CDC14B: variants seen among roughly 807,000 people sequenced by gnomAD.
The protein encoded by CDC14B is cell division cycle 14B.
Under a neutral mutation model 64.2 loss-of-function variants are expected in CDC14B, and 22 were observed. That is an observed-to-expected ratio of 0.34 (90% confidence interval 0.24 to 0.49). The LOEUF is 0.49. CDC14B is among the 20% of genes least tolerant of loss of function. The pLI is 0.99. For missense variants in CDC14B, 498 were observed against 629.9 expected, an observed-to-expected ratio of 0.79 and a Z score of 2.24; for synonymous variants, 191 against 215.8, an observed-to-expected ratio of 0.89 and a Z score of 1.01.
chr9:96,568,438 A>G (rs1844265079), intron 1 of CDC14B, among the ~76,000 whole-genome samples: 3 of 152,358 alleles, frequency 2.0e-5, no homozygotes, highest in African/African-American at 4.8e-5. Flanking sequence ...ACAGAAATGC[A>G]AAGTTCCACT....
chr9:96,571,475 A>G (rs1238253643), intron 1 of CDC14B, among the ~76,000 whole-genome samples: 1 of 152,144 alleles, frequency 6.6e-6, no homozygotes, highest in East Asian at 1.9e-4. Context: ...CGCCTGGGCT[A>G]TAATGAATAA....
downstream of CDC14B, among the ~76,000 whole-genome samples, chr9:96,495,621 A>G (rs564488186): frequency 3.9e-5 from 6 of 152,338 alleles, no homozygotes; most frequent in South Asian, 1.0e-3. Flanking sequence ...GTGAGAGGAT[A>G]GAGCTGGAGC....
chr9:96,523,729 G>T lies in CDC14B; in HGVS notation c.947-4C>A. On this transcript the variant is annotated splice_region_variant and splice_polypyrimidine_tract_variant and intron_variant, in intron 9 of 13. Transcript: ENST00000375241. ...GTGCCCGTGCGACCAAGGCCAGCTA[G>T]GAAAATAAAGAAGCACAGAAATGAA... The T allele has an allele frequency of 6.2e-7, 1 of 1,609,284 alleles. No homozygotes were observed. The highest frequency in any genetic ancestry group is 1.1e-5 in the South Asian group (1 of 90,786).
At chr9:96,592,603 G>A (rs1240426021) in intron 1 of CDC14B, among the ~76,000 whole-genome samples, 2 of 152,006 alleles carry the variant, frequency 1.3e-5, no homozygotes, top group Non-Finnish European at 2.9e-5. Context: ...GTGAAACCCT[G>A]TCTCTACTAA....
At position 96,502,822 on chromosome 9, in the gene CDC14B, A is replaced by G. The variant is rs745385840; in HGVS notation, c.*931T>C. 44 of 398,464 alleles carry G rather than the reference A, an allele frequency of 1.1e-4. No homozygotes were observed. The highest frequency in any genetic ancestry group is 1.7e-4 in the Non-Finnish European group (39 of 225,998). 24.7% of individuals were successfully genotyped at this position (398,464 alleles called of 1,614,324 possible). A position where few individuals can be genotyped will look rare whatever the true frequency, so the allele number is the denominator to read the frequency against. On this transcript the variant is annotated 3_prime_UTR_variant, in exon 14 of 14. Transcript: ENST00000375241. ...TCTCATAAGGGAAAAAAAAAATCCA[A>G]TGTTACAGGGAAGGACTCTAAAAAA...
chr9:96,577,468 C>T (rs1276432876), intron 1 of CDC14B, among the ~76,000 whole-genome samples: 1 of 152,140 alleles, frequency 6.6e-6, no homozygotes, highest in East Asian at 1.9e-4. Context: ...ATGTCTCCCT[C>T]TATCACACCA....
intron 6 of CDC14B, among the ~76,000 whole-genome samples, chr9:96,541,329 A>G (rs1351805098): frequency 6.6e-6 from 1 of 152,268 alleles, no homozygotes; most frequent in Admixed American, 6.5e-5. Context: ...TTAGTTTCAC[A>G]TAAAACTGTA....
intron 5 of CDC14B, among the ~76,000 whole-genome samples, chr9:96,547,651 C>T (rs1042067075): frequency 6.6e-6 from 1 of 151,966 alleles, no homozygotes; most frequent in Non-Finnish European, 1.5e-5. Context: ...AATGGTCTTG[C>T]TATGCTGCAA....
chr9:96,546,892 C>T (rs1238291449), intron 5 of CDC14B, among the ~76,000 whole-genome samples: 3 of 151,812 alleles, frequency 2.0e-5, no homozygotes, highest in Non-Finnish European at 4.4e-5. Flanking sequence ...GAAACCCCGT[C>T]TCTACTAAAA....
In CDC14B at chr9:96,523,287, T is replaced by C. The variant is rs1837029140; in HGVS notation, c.1219A>G (p.Asn407Asp). 3 of 1,614,116 alleles carry C rather than the reference T, an allele frequency of 1.9e-6. No individual in the cohort carries two copies. The highest frequency in any genetic ancestry group is 2.5e-6 in the Non-Finnish European group (3 of 1,180,000). ...GGTTCGGGTTCTTGCTGATCTTGAT[T>C]CTCGACCCCATTTATGGAAATGTCA... ...VDDISINGVE[N>D]QDQQEPEPYS... The change falls in exon 11 of 14, where the codon AAT (asparagine) becomes GAT (aspartate). Residue 407 changes from asparagine (N) to aspartate (D), a missense_variant. Coordinates refer to ENST00000375241, the MANE Select transcript of CDC14B (RefSeq NM_033331.4).
At chr9:96,514,683 G>C in intron 12 of CDC14B, 1 of 985,444 alleles carries the variant, frequency 1.0e-6, no homozygotes, top group Non-Finnish European at 1.2e-6. Context: ...GGAGACAAGA[G>C]AAGAAATTCT....
In CDC14B at chr9:96,562,793, A is replaced by C; in HGVS notation, c.328-8T>G. Reference sequence around the variant, plus strand: ...CCTTAACATTGTAATGGACTGCATAAAAATAAATAACTGTTAGCATTTTCT... The same window carrying C: ...CCTTAACATTGTAATGGACTGCATACAAATAAATAACTGTTAGCATTTTCT... On this transcript the variant is annotated splice_region_variant and splice_polypyrimidine_tract_variant and intron_variant, in intron 3 of 13. Coordinates refer to ENST00000375241, the MANE Select transcript of CDC14B (RefSeq NM_033331.4). 1 of 1,518,934 alleles carries C rather than the reference A, an allele frequency of 6.6e-7. No homozygotes were observed. The highest frequency in any genetic ancestry group is 1.4e-5 in the African/African-American group (1 of 72,706). 94.1% of individuals were successfully genotyped at this position (1,518,934 alleles called of 1,614,324 possible).
At chr9:96,534,210 T>C in intron 8 of CDC14B, 53 bp from the exon 9 acceptor site, 1 of 1,111,954 alleles carries the variant, frequency 9.0e-7, no homozygotes, top group South Asian at 1.5e-5. Context: ...AAACAATGGC[T>C]AATAGTTTCA....
chr9:96,558,073 C>T (rs1842712945), intron 4 of CDC14B, among the ~76,000 whole-genome samples: 1 of 152,184 alleles, frequency 6.6e-6, no homozygotes, highest in Admixed American at 6.5e-5. Context: ...CCATTATGTT[C>T]TCACTCATAT....
rs1833176019 is a variant in CDC14B, at chr9:96,494,759, C to T, written c.*80+1448G>A. ...TCCCTTCCTTTTCTTCCTCCCCTCCCCTCCCGTCCCCTCCCCCCTCCCGTC... is the reference window on the plus strand; with the variant it reads ...TCCCTTCCTTTTCTTCCTCCCCTCCTCTCCCGTCCCCTCCCCCCTCCCGTC... On this transcript the variant is annotated intron_variant and NMD_transcript_variant, in intron 13 of 13. Transcript: ENST00000474602. 3.1e-5 allele frequency among the ~76,000 whole-genome samples: 4 copies of T among 128,596 alleles called. No individual in the cohort carries two copies. The South Asian group carries it at 1.2e-3, about 38-fold the overall frequency. 84.4% of individuals were successfully genotyped at this position (128,596 alleles called of 152,430 possible).
intron 1 of CDC14B, among the ~76,000 whole-genome samples, chr9:96,573,778 ATGGAATATG>A (rs1844622826): frequency 6.6e-6 from 1 of 152,242 alleles, no homozygotes; most frequent in Admixed American, 6.5e-5. Context: ...AATAAATTAC[ATGGAATATG>A]ACATGTTAAT....
chr9:96,510,465 G>GA (rs1399690059), intron 12 of CDC14B, among the ~76,000 whole-genome samples: 1 of 151,502 alleles, frequency 6.6e-6, no homozygotes, highest in African/African-American at 2.4e-5. Context: ...AGCACACGAT[G>GA]AATCAGAAAA....
intron 6 of CDC14B, among the ~76,000 whole-genome samples, chr9:96,540,408 G>A (rs1839880747): frequency 6.6e-6 from 1 of 152,070 alleles, no homozygotes; most frequent in Non-Finnish European, 1.5e-5. Context: ...CAAGGTGAGT[G>A]GATCGCTTGA....
intron 13 of CDC14B, among the ~76,000 whole-genome samples, chr9:96,507,013 G>A (rs1170094858): frequency 6.6e-6 from 1 of 152,198 alleles, no homozygotes; most frequent in Admixed American, 6.5e-5. Flanking sequence ...AGCCTGAGCG[G>A]CCGGGCGCCG....
Sources: gnomAD v4.1 joint callset for allele counts (sites outside exome capture counted in the v4.1 genomes callset) on GRCh38, gnomAD v4.1.1 for gene constraint, MANE v1.5 for transcripts, NCBI Gene and HGNC (gene_info 2026-07-23, HGNC 2026-07-21) for gene names.